The following ERBB2 variants were observed in gnomAD, a reference collection of about 807,000 sequenced individuals.
ERBB2 encodes the protein receptor tyrosine-protein kinase erbB-2.
Under a neutral mutation model 149.0 loss-of-function variants are expected in ERBB2, and 61 were observed. The observed-to-expected ratio is 0.41, with a 90% CI of 0.33 to 0.51. The LOEUF is 0.51. Among genes scored for constraint, ERBB2 ranks in the 20% least tolerant of loss-of-function variants. The pLI, the probability that ERBB2 is intolerant of heterozygous loss-of-function variation, is 0.25. For synonymous variants in ERBB2, 633 were observed against 678.8 expected, an observed-to-expected ratio of 0.93 and a Z score of 1.05; for missense variants, 1,205 against 1,655.1, an observed-to-expected ratio of 0.73 and a Z score of 4.72.
intron 12 of ERBB2, 118 bp downstream of exon 12, chr17:39,716,057 T>TTGCACAGAC (rs1201875871): frequency 1.8e-5 from 21 of 1,152,236 alleles, no homozygotes; most frequent in Non-Finnish European, 2.5e-5. Context: ...TGCACCCTTC[T>TTGCACAGAC]TGACTCAGCA....
At chr17:39,707,436 A>C (rs184643346) in intron 2 of ERBB2, 41 of 309,468 alleles carry the variant, frequency 1.3e-4, no homozygotes, top group African/African-American at 8.4e-4. Flanking sequence ...TGCTCCAGCC[A>C]CTATCCCTCT....
At chr17:39,717,004 A>T (rs1159198134) in intron 14 of ERBB2, 1 of 439,412 alleles carries the variant, frequency 2.3e-6, no homozygotes, top group Non-Finnish European at 4.1e-6. Context: ...GGCTTGGCAC[A>T]GTGAAGCACG....
intron 12 of ERBB2, 60 bp from the exon 13 acceptor site, chr17:39,716,241 T>G (rs2145670494): frequency 6.7e-7 from 1 of 1,503,124 alleles, no homozygotes; most frequent in Non-Finnish European, 8.9e-7. Context: ...AGTTCCCTGG[T>G]TCACTTGGAC....
At position 39,723,939 on chromosome 17, in the gene ERBB2, G is replaced by A. The variant is rs781547782; in HGVS notation, c.2236G>A (p.Val746Met). 3 of 1,614,054 alleles carry A rather than the reference G, an allele frequency of 1.9e-6. No individual in the cohort carries two copies. The highest frequency in any genetic ancestry group is 1.1e-5 in the South Asian group (1 of 91,086). Residue 746 changes from valine to methionine, a missense_variant, in exon 19 of 27, where the codon GTG becomes ATG. Val to Met is a conservative substitution (Grantham distance 21). This residue lies in a region of ERBB2 where 152 missense variants were observed against 318.1 expected (regional missense o/e 0.48). Coordinates refer to ENST00000269571, the MANE Select transcript of ERBB2 (RefSeq NM_004448.4). This position sits in a 1 kb window ranked among gnomAD's most constrained non-coding sequence, Gnocchi z 6.2. Reference sequence around the variant, plus strand: ...CATCTGGATCCCTGATGGGGAGAATGTGAAAATTCCAGTGGCCATCAAAGT... The same window carrying A: ...CATCTGGATCCCTGATGGGGAGAATATGAAAATTCCAGTGGCCATCAAAGT... Reference protein sequence around the residue: ...KGIWIPDGENVKIPVAIKVLR... With the variant: ...KGIWIPDGENMKIPVAIKVLR...
At chr17:39,702,529 C>T (rs1250545663) in intron 1 of ERBB2, among the ~76,000 whole-genome samples, 1 of 152,178 alleles carries the variant, frequency 6.6e-6, no homozygotes, top group East Asian at 1.9e-4. Context: ...TTCCAACAGC[C>T]TCCTCTCTTT....
intron 3 of ERBB2, 165 bp from the exon 4 acceptor site, chr17:39,709,153 G>T (rs2058644910): frequency 1.4e-6 from 1 of 706,984 alleles, no homozygotes; most frequent in Non-Finnish European, 2.4e-6. Flanking sequence ...TTGCGGGTGT[G>T]GTGGTGGTGG....
chr17:39,725,442 C>T lies in ERBB2; in HGVS notation c.2725+40C>T, dbSNP rs2143031046. On this transcript the variant is annotated intron_variant, in intron 22 of 26. Transcript: ENST00000269571. The surrounding 1 kb of genome is among the most constrained non-coding windows in gnomAD (Gnocchi z 4.6). Reference sequence around the variant, plus strand: ...GTGTTGGGAGGGGTGGGTGAGGAGCCATGGCTGGAGGGAGGATGAGAGCTG... The same window carrying T: ...GTGTTGGGAGGGGTGGGTGAGGAGCTATGGCTGGAGGGAGGATGAGAGCTG... 1 of 1,586,352 alleles carries T rather than the reference C, an allele frequency of 6.3e-7. No homozygotes were observed. The highest frequency in any genetic ancestry group is 1.1e-5 in the South Asian group (1 of 90,290).
chr17:39,717,028 A>T (rs995874574), intron 14 of ERBB2: 1 of 455,222 alleles, frequency 2.2e-6, no homozygotes, highest in African/African-American at 1.9e-5. Flanking sequence ...AAGGCTTTCT[A>T]CAGAGCAGTG....
At chr17:39,712,120 CT>C in intron 8 of ERBB2, 73 bp downstream of exon 8, 1 of 1,605,770 alleles carries the variant, frequency 6.2e-7, no homozygotes, top group Non-Finnish European at 8.5e-7. Context: ...CCAGCCCACC[CT>C]GTCCTATCCT....
chr17:39,691,881 A>G (rs1185895887), upstream of ERBB2, among the ~76,000 whole-genome samples: 2 of 131,658 alleles, frequency 1.5e-5, no homozygotes, highest in East Asian at 2.0e-4. Flanking sequence ...ATATAGATAT[A>G]GATATAGATA....
chr17:39,723,967 TGAG>T lies in ERBB2; in HGVS notation c.2266_2268del (p.Arg756del). The T allele has an allele frequency of 6.2e-7, 1 of 1,614,084 alleles. No individual in the cohort carries two copies. Among genetic ancestry groups the T allele is most frequent in the African/African-American group, 1.3e-5 (1 of 75,018 alleles). Reference sequence around the variant, plus strand: ...AAAATTCCAGTGGCCATCAAAGTGTTGAGGGAAAACACATCCCCCAAAGCCAAC... The same window carrying T: ...AAAATTCCAGTGGCCATCAAAGTGTTGGAAAACACATCCCCCAAAGCCAAC... On this transcript the variant is annotated inframe_deletion, in exon 19 of 27. Transcript: ENST00000269571. This position sits in a 1 kb window ranked among gnomAD's most constrained non-coding sequence, Gnocchi z 6.2.
At chr17:39,713,769 A>G (rs2058955009) in intron 9 of ERBB2, among the ~76,000 whole-genome samples, 2 of 150,348 alleles carry the variant, frequency 1.3e-5, no homozygotes, top group South Asian at 2.1e-4. Context: ...AAAAAAAAAA[A>G]AAAGGGTCAG....
In ERBB2 at chr17:39,712,049, T is replaced by C; in HGVS notation, c.1021+2T>C. ...AGTGCAGCAAGCCCTGTGCCCGAGG[T>C]ACCCACTCACTGCCCCCGAGGCCAG... On this transcript the variant is annotated splice_donor_variant, in intron 8 of 26. Coordinates refer to ENST00000269571, the MANE Select transcript of ERBB2 (RefSeq NM_004448.4). LOFTEE classifies it high-confidence loss of function. 6.2e-7 allele frequency: 1 copy of C among 1,613,698 alleles called. No homozygotes were observed. Among genetic ancestry groups the C allele is most frequent in the Non-Finnish European group, 8.5e-7 (1 of 1,179,938 alleles).
At chr17:39,711,782 G>A (rs2145554175) in intron 7 of ERBB2, 146 bp from the exon 8 acceptor site, 1 of 911,936 alleles carries the variant, frequency 1.1e-6, no homozygotes, top group Non-Finnish European at 1.7e-6. Context: ...TTGTTGTGAG[G>A]GGTAAATGGA....
intron 11 of ERBB2, 25 bp downstream of exon 11, chr17:39,715,561 T>C (rs2145643381): frequency 1.2e-6 from 2 of 1,608,274 alleles, no homozygotes; most frequent in South Asian, 2.2e-5. Flanking sequence ...AGAGGGGGCC[T>C]GATGGGGAGG....
intron 1 of ERBB2, among the ~76,000 whole-genome samples, chr17:39,702,622 T>TA (rs1316217509): frequency 6.6e-6 from 1 of 152,096 alleles, no homozygotes; most frequent in African/African-American, 2.4e-5. Flanking sequence ...AAAGAAAAAA[T>TA]ACGTGGCATT....
chr17:39,713,888 T>G (rs2058963176), intron 9 of ERBB2, among the ~76,000 whole-genome samples: 1 of 151,668 alleles, frequency 6.6e-6, no homozygotes, highest in Non-Finnish European at 1.5e-5. Flanking sequence ...AGATCCCATC[T>G]CTACAAAAAA....
At chr17:39,708,804 C>T (rs970028145) in intron 3 of ERBB2, among the ~76,000 whole-genome samples, 4 of 152,302 alleles carry the variant, frequency 2.6e-5, no homozygotes, top group African/African-American at 9.6e-5. Context: ...AGTGAACAAC[C>T]TATGTAACTA....
Position 39,727,887 on chromosome 17 carries a change from C to CCCCTCA in ERBB2, c.3612_3617dup (p.Pro1205_Gln1206insHisPro). 1 of 1,614,114 alleles carries CCCCTCA rather than the reference C, an allele frequency of 6.2e-7. No individual in the cohort carries two copies. The highest frequency in any genetic ancestry group is 8.5e-7 in the Non-Finnish European group (1 of 1,179,992). On this transcript the variant is annotated inframe_insertion, in exon 27 of 27. Transcript: ENST00000269571. This position sits in a 1 kb window ranked among gnomAD's most constrained non-coding sequence, Gnocchi z 4.3. Reference sequence around the variant, plus strand: ...TACTTGACACCCCAGGGAGGAGCTGCCCCTCAGCCCCACCCTCCTCCTGCC... The same window carrying CCCCTCA: ...TACTTGACACCCCAGGGAGGAGCTGCCCCTCACCCTCAGCCCCACCCTCCTCCTGCC...
Sources: gnomAD v4.1 joint callset for allele counts (sites outside exome capture counted in the v4.1 genomes callset) on GRCh38, gnomAD v4.1.1 for gene constraint, gnomAD v4.1.1 regional missense constraint, Gnocchi (gnomAD v3.1) non-coding constraint, MANE v1.5 for transcripts, NCBI Gene and HGNC (gene_info 2026-07-23, HGNC 2026-07-21) for gene names.